The following FAM91A1 variants were observed in gnomAD, a reference collection of about 807,000 sequenced individuals.
FAM91A1 encodes the protein family with sequence similarity 91 member A1, also known as protein FAM91A1.
In FAM91A1, 41 loss-of-function variants were observed where a neutral mutation model predicts 113.5. The ratio of observed to expected loss-of-function variants is 0.36; its 90% CI spans 0.28 to 0.47. The LOEUF is 0.47. FAM91A1 is among the 20% of genes least tolerant of loss of function. The pLI is 1.00. For synonymous variants in FAM91A1, 307 were observed against 347.9 expected (o/e 0.88, Z 1.31); for missense variants, 696 against 1,001.2 (o/e 0.70, Z 4.11).
At chr8:123,799,957 G>C (rs1815635220) in intron 18 of FAM91A1, 72 bp downstream of exon 18, 3 of 1,205,512 alleles carry the variant, frequency 2.5e-6, no homozygotes, top group Non-Finnish European at 3.5e-6. Context: ...TCTATATTGA[G>C]TTGCAATAAA....
intron 3 of FAM91A1, among the ~76,000 whole-genome samples, chr8:123,776,360 C>T (rs185604760): frequency 1.5e-4 from 23 of 152,268 alleles, no homozygotes; most frequent in Admixed American, 1.5e-3. Context: ...TGAGGTTAGC[C>T]CTACATACGA....
Position 123,785,631 on chromosome 8 carries a change from T to G in FAM91A1, c.852T>G (p.Asn284Lys), listed in dbSNP as rs1815233271. 6.3e-7 allele frequency: 1 copy of G among 1,593,148 alleles called. No homozygotes were observed. Among genetic ancestry groups the G allele is most frequent in the Admixed American group, 1.8e-5 (1 of 56,066 alleles). Residue 284 changes from asparagine to lysine, a missense_variant and splice_region_variant, in exon 11 of 24, where the codon AAT becomes AAG. By Grantham distance (94) the Asn-to-Lys change is moderately conservative. Coordinates refer to ENST00000334705, the MANE Select transcript of FAM91A1 (RefSeq NM_144963.4). Reference sequence around the variant, plus strand: ...AGTTTCCTTTATATTCCTTTCAGAATGCTGTTTCAATGTATTGCCGATTGG... The same window carrying G: ...AGTTTCCTTTATATTCCTTTCAGAAGGCTGTTTCAATGTATTGCCGATTGG... ...VLEIDLSLVKNAVSMYCRLGF... is the reference protein window; with the variant it reads ...VLEIDLSLVKKAVSMYCRLGF...
At chr8:123,780,440 G>A in intron 7 of FAM91A1, 40 bp from the exon 8 acceptor site, 2 of 1,465,426 alleles carry the variant, frequency 1.4e-6, no homozygotes. Flanking sequence ...TCACTGTTGT[G>A]TAGTGTTCCA....
At chr8:123,771,386 A>G (rs1227519157) in intron 1 of FAM91A1, among the ~76,000 whole-genome samples, 2 of 152,144 alleles carry the variant, frequency 1.3e-5, no homozygotes, top group Non-Finnish European at 2.9e-5. Context: ...AGATTTTTAG[A>G]CACTTCGATG....
At chr8:123,782,508 T>C (rs755949673) in intron 8 of FAM91A1, among the ~76,000 whole-genome samples, 1 of 152,228 alleles carries the variant, frequency 6.6e-6, no homozygotes, top group Non-Finnish European at 1.5e-5. Context: ...GGCTCTATTA[T>C]TAAATAAATT....
rs532401764 is a variant in FAM91A1, at chr8:123,783,480, T to C, written c.704-990T>C. 7.2e-5 allele frequency among the ~76,000 whole-genome samples: 11 copies of C among 152,330 alleles called. No individual in the cohort carries two copies. The South Asian group carries it at 2.3e-3, about 32-fold the overall frequency. The stretch of plus-strand genomic sequence containing the variant: ...TAGAAAATGACATGAGCCAGATCTG[T>C]AAAGTGAATAACCTATCCTCAGATG... On this transcript the variant is annotated intron_variant, in intron 8 of 23. Transcript: ENST00000334705.
chr8:123,797,087 T>C lies in FAM91A1; in HGVS notation c.1412-1003T>C, dbSNP rs559066646. On this transcript the variant is annotated intron_variant, in intron 15 of 23. Coordinates refer to ENST00000334705, the MANE Select transcript of FAM91A1 (RefSeq NM_144963.4). ...AAAAATAAATAAATAAAAAAAGATATGGGCCTTGAAGAAATTCAAGAGCTA... is the reference window on the plus strand; with the variant it reads ...AAAAATAAATAAATAAAAAAAGATACGGGCCTTGAAGAAATTCAAGAGCTA... 1.3e-3 allele frequency among the ~76,000 whole-genome samples: 198 copies of C among 151,938 alleles called. 1 individual carries two copies. Among genetic ancestry groups the C allele is most frequent in the African/African-American group, 4.1e-3 (168 of 41,448 alleles).
chr8:123,773,375 A>G (rs967577712), intron 1 of FAM91A1, among the ~76,000 whole-genome samples: 1 of 152,246 alleles, frequency 6.6e-6, no homozygotes, highest in Non-Finnish European at 1.5e-5. Context: ...GGAGGATAGC[A>G]GTCATATATT....
intron 15 of FAM91A1, among the ~76,000 whole-genome samples, chr8:123,797,105 A>G (rs1376078673): frequency 6.6e-6 from 1 of 152,088 alleles, no homozygotes; most frequent in African/African-American, 2.4e-5. Flanking sequence ...GAAGAAATTC[A>G]AGAGCTAATA....
chr8:123,799,465 G>A (rs1016252080), intron 16 of FAM91A1, 55 bp from the exon 17 acceptor site: 57 of 1,528,304 alleles, frequency 3.7e-5, no homozygotes, highest in Non-Finnish European at 4.1e-5. Flanking sequence ...GACTGTTCTC[G>A]GTCACTTATG....
intron 15 of FAM91A1, among the ~76,000 whole-genome samples, chr8:123,797,808 C>G (rs1815567239): frequency 6.6e-6 from 1 of 152,024 alleles, no homozygotes; most frequent in South Asian, 2.1e-4. Flanking sequence ...TAGAGTGGCT[C>G]TGGATGGAGA....
At chr8:123,787,823 T>C (rs1815295292) in intron 14 of FAM91A1, 73 bp downstream of exon 14, 1 of 1,195,456 alleles carries the variant, frequency 8.4e-7, no homozygotes, top group Middle Eastern at 2.0e-4. Flanking sequence ...ATGCCAATTA[T>C]ACAGTCTGTT....
In FAM91A1 at chr8:123,812,569, G is replaced by C; in HGVS notation, c.2382G>C (p.Leu794Phe). ...DIHTEPSFSSLLSQSSCADMG... is the reference protein window; with the variant it reads ...DIHTEPSFSSFLSQSSCADMG... ...ACACAGAGCCCAGTTTTTCAAGTTT[G>C]CTTTCACAGTCATCGTGTGCTGACA... Residue 794 changes from leucine (L) to phenylalanine (F), a missense_variant, in exon 24 of 24, where the codon TTG (leucine) becomes TTC (phenylalanine). Leu to Phe is a conservative substitution (Grantham distance 22). Transcript: ENST00000334705. 6.3e-7 allele frequency: 1 copy of C among 1,597,998 alleles called. No individual in the cohort carries two copies. The highest frequency in any genetic ancestry group is 8.5e-7 in the Non-Finnish European group (1 of 1,174,834).
chr8:123,769,293 AG>A (rs1353974101), intron 1 of FAM91A1, among the ~76,000 whole-genome samples: 3 of 146,790 alleles, frequency 2.0e-5, no homozygotes, highest in Non-Finnish European at 3.0e-5. Flanking sequence ...AGATTTTTCC[AG>A]GGGGAGGGAA....
chr8:123,793,444 C>T (rs906996516), intron 15 of FAM91A1, among the ~76,000 whole-genome samples: 6 of 152,174 alleles, frequency 3.9e-5, no homozygotes, highest in African/African-American at 1.2e-4. Flanking sequence ...GGCATTCTCT[C>T]GTATTCTCTG....
At position 123,785,088 on chromosome 8, in the gene FAM91A1, A is replaced by G; in HGVS notation, c.818A>G (p.Asn273Ser). ...TTTAATTTTATCTTCTAGCTTGCAA[A>G]TGTCCTTGAGATTGACTTATCCCTG... ...DEHTNVAELANVLEIDLSLVK... is the reference protein window; with the variant it reads ...DEHTNVAELASVLEIDLSLVK... The change falls in exon 10 of 24, where the codon AAT becomes AGT. Residue 273 changes from asparagine to serine, a missense_variant. Asn to Ser is a conservative substitution (Grantham distance 46). Coordinates refer to ENST00000334705, the MANE Select transcript of FAM91A1 (RefSeq NM_144963.4). The G allele has an allele frequency of 6.3e-7, 1 of 1,589,754 alleles. No individual in the cohort carries two copies. Among genetic ancestry groups the G allele is most frequent in the Non-Finnish European group, 8.5e-7 (1 of 1,170,466 alleles).
intron 18 of FAM91A1, among the ~76,000 whole-genome samples, chr8:123,803,393 C>T (rs1044742467): frequency 1.3e-5 from 2 of 152,130 alleles, no homozygotes; most frequent in Non-Finnish European, 2.9e-5. Context: ...ACTGCAGCCT[C>T]GACTTCCCCT....
chr8:123,809,245 T>C (rs1371449820), intron 22 of FAM91A1, among the ~76,000 whole-genome samples: 1 of 152,200 alleles, frequency 6.6e-6, no homozygotes, highest in African/African-American at 2.4e-5. Flanking sequence ...GTTTTGATTA[T>C]ATTTATTTAG....
intron 14 of FAM91A1, 67 bp from the exon 15 acceptor site, chr8:123,789,546 A>T: frequency 6.3e-7 from 1 of 1,591,848 alleles, no homozygotes; most frequent in Non-Finnish European, 8.6e-7. Flanking sequence ...TCTCTATTAT[A>T]TGATTATTAG....
Sources: gnomAD v4.1 joint callset for allele counts (sites outside exome capture counted in the v4.1 genomes callset) on GRCh38, gnomAD v4.1.1 for gene constraint, MANE v1.5 for transcripts, NCBI Gene and HGNC (gene_info 2026-07-23, HGNC 2026-07-21) for gene names.